Variants in MTDH observed in about 807,000 individuals in gnomAD.
MTDH encodes protein LYRIC.
A neutral mutation model predicts 72.7 loss-of-function variants in MTDH; 34 were observed. That is an observed-to-expected ratio of 0.47 (90% CI 0.36 to 0.62). The LOEUF (loss-of-function observed/expected upper bound fraction) is 0.62. Ranked by LOEUF, MTDH falls within the 20% of genes least tolerant of loss-of-function variation. The pLI, the probability that MTDH is intolerant of heterozygous loss-of-function variation, is 0.00. For missense variants in MTDH, 677 were observed against 699.4 expected (o/e 0.97, Z 0.36); for synonymous variants, 266 against 268.9 (o/e 0.99, Z 0.10).
At chr8:97,710,890 C>T (rs1169674393) in intron 8 of MTDH, among the ~76,000 whole-genome samples, 2 of 151,868 alleles carry the variant, frequency 1.3e-5, no homozygotes, top group African/African-American at 4.8e-5. Context: ...ATCCTAGCTA[C>T]TTGGGAGACT....
chr8:97,705,226 G>A (rs1243450948), intron 7 of MTDH, among the ~76,000 whole-genome samples: 2 of 151,528 alleles, frequency 1.3e-5, no homozygotes, highest in Non-Finnish European at 2.9e-5. Context: ...GAACCCGGGA[G>A]GCGGAGGTTG....
rs1327941093 is a variant in MTDH at position 97,729,937 on chromosome 8, TATA to T, written c.*5271_*5273del. Among the ~76,000 whole-genome samples the T allele has an allele frequency of 1.3e-5, 2 of 152,196 alleles. No homozygotes were observed. Among genetic ancestry groups the T allele is most frequent in the Admixed American group, 1.3e-4 (2 of 15,272 alleles). On this transcript the variant is annotated 3_prime_UTR_variant, in exon 12 of 12. Coordinates refer to ENST00000336273, the MANE Select transcript of MTDH (RefSeq NM_178812.4). ...AAGTTGAAAGAGAATCACCCTGGTA[TATA>T]ATATTTTAAAACATGAAAAAGGCAT... is the stretch of plus-strand genomic sequence containing the variant.
At chr8:97,707,569 G>A (rs1338147920) in intron 8 of MTDH, among the ~76,000 whole-genome samples, 1 of 148,120 alleles carries the variant, frequency 6.8e-6, no homozygotes, top group Admixed American at 6.9e-5. Context: ...TGTCTGGCCT[G>A]CACAGTCTTT....
chr8:97,669,565 A>G (rs1379420534), intron 2 of MTDH, among the ~76,000 whole-genome samples: 1 of 149,552 alleles, frequency 6.7e-6, no homozygotes, highest in African/African-American at 2.5e-5. Flanking sequence ...TGCAACTACT[A>G]ATTTCTGCTA....
chr8:97,649,651 T>C (rs1811687272), intron 1 of MTDH, among the ~76,000 whole-genome samples: 1 of 152,226 alleles, frequency 6.6e-6, no homozygotes, highest in Non-Finnish European at 1.5e-5. Context: ...TGTCCCAGGC[T>C]GGAGTGCAGT....
chr8:97,723,337 G>C lies in MTDH; in HGVS notation c.1678+302G>C, dbSNP rs560120658. Among the ~76,000 whole-genome samples, 11 of 151,714 alleles carry C rather than the reference G, an allele frequency of 7.3e-5. No homozygotes were observed. The South Asian group carries it at 2.3e-3, about 32-fold the overall frequency. On this transcript the variant is annotated intron_variant, in intron 11 of 11. Transcript: ENST00000336273. The stretch of plus-strand genomic sequence containing the variant: ...GGCGTGAACCCGGGAGGCAGAGCTT[G>C]CAGTGAGCCAAAATCGTGCCACTGC...
At position 97,663,748 on chromosome 8, in the gene MTDH, C is replaced by CAA. The variant is rs36101443; in HGVS notation, c.483+2594_483+2595dup. 1.6e-3 allele frequency among the ~76,000 whole-genome samples: 140 copies of CAA among 85,826 alleles called. 3 individuals are homozygous for CAA. Among genetic ancestry groups the CAA allele is most frequent in the African/African-American group, 4.2e-3 (100 of 24,048 alleles). The allele number at this position is 85,826 out of a possible 152,430, so 56.3% of individuals were successfully genotyped here. A position where few individuals can be genotyped will look rare whatever the true frequency, so the allele number is the denominator to read the frequency against. ...TGGGCGACAGAGCAAGACTCTGTCT[C>CAA]AAAAAAAAAAAAAAAAAAAAGACTT... On this transcript the variant is annotated intron_variant, in intron 2 of 11. Coordinates refer to ENST00000336273, the MANE Select transcript of MTDH (RefSeq NM_178812.4).
chr8:97,691,293 T>C, intron 6 of MTDH, 105 bp downstream of exon 6: 1 of 764,920 alleles, frequency 1.3e-6, no homozygotes, highest in Non-Finnish European at 2.0e-6. Flanking sequence ...AAATAAGTAC[T>C]GCTCTGCAGA....
At chr8:97,689,803 G>A (rs921341976) in intron 5 of MTDH, among the ~76,000 whole-genome samples, 3 of 151,076 alleles carry the variant, frequency 2.0e-5, no homozygotes, top group Admixed American at 2.0e-4. Flanking sequence ...CACCTCCCGG[G>A]TGCAAGCAAT....
chr8:97,720,999 TGAA>T (rs1160266033), intron 10 of MTDH, among the ~76,000 whole-genome samples: 10 of 152,064 alleles, frequency 6.6e-5, no homozygotes, highest in African/African-American at 1.9e-4. Flanking sequence ...AGCCATCTTA[TGAA>T]GAAGATTTGA....
At chr8:97,721,757 CAGTT>C (rs1192727508) in intron 10 of MTDH, among the ~76,000 whole-genome samples, 4 of 152,200 alleles carry the variant, frequency 2.6e-5, no homozygotes, top group Non-Finnish European at 5.9e-5. Flanking sequence ...TGAGGCAAAT[CAGTT>C]AGTTTACCTC....
intron 2 of MTDH, among the ~76,000 whole-genome samples, chr8:97,668,286 C>CA (rs1377910057): frequency 7.0e-4 from 104 of 148,360 alleles, no homozygotes; most frequent in African/African-American, 2.4e-3. Context: ...GACTGCATCT[C>CA]AAAAAAAAAG....
chr8:97,712,588 C>T (rs1468673968), intron 8 of MTDH, among the ~76,000 whole-genome samples: 1 of 152,150 alleles, frequency 6.6e-6, no homozygotes, highest in Non-Finnish European at 1.5e-5. Flanking sequence ...GCTTTCATTT[C>T]TCTAGGATAA....
intron 1 of MTDH, among the ~76,000 whole-genome samples, chr8:97,646,645 A>C (rs1475078269): frequency 6.6e-6 from 1 of 152,228 alleles, no homozygotes; most frequent in African/African-American, 2.4e-5. Context: ...GACTCATCTG[A>C]AAGAATACAG....
Position 97,707,799 on chromosome 8 carries a change from G to C in MTDH, c.1272+1049G>C, listed in dbSNP as rs1037416766. ...CAGTGGCATACACCTGGTAGTCCCA[G>C]CTATTCAGGGGGCTGAGGCAGGAGG... On this transcript the variant is annotated intron_variant, in intron 8 of 11. Transcript: ENST00000336273. Among the ~76,000 whole-genome samples, 8 of 151,784 alleles carry C rather than the reference G, an allele frequency of 5.3e-5. No homozygotes were observed. In the East Asian group the frequency reaches 1.4e-3, roughly 26 times the overall value.
chr8:97,699,363 C>T (rs551244110), intron 6 of MTDH, among the ~76,000 whole-genome samples: 23 of 151,258 alleles, frequency 1.5e-4, no homozygotes, highest in African/African-American at 4.6e-4. Context: ...CTTGAGCCTG[C>T]GAGGTTGAGG....
intron 2 of MTDH, among the ~76,000 whole-genome samples, chr8:97,672,326 C>A (rs533281540): frequency 3.3e-5 from 5 of 152,096 alleles, no homozygotes; most frequent in Non-Finnish European, 7.4e-5. Context: ...ATTAAATTCT[C>A]ATTGTAGTCC....
chr8:97,659,465 C>T (rs983501603), intron 1 of MTDH, among the ~76,000 whole-genome samples: 2 of 152,196 alleles, frequency 1.3e-5, no homozygotes, highest in Non-Finnish European at 2.9e-5. Flanking sequence ...ATTTAACCAG[C>T]TAAAAGACAG....
chr8:97,721,174 G>C (rs759956286), intron 10 of MTDH, among the ~76,000 whole-genome samples: 1 of 152,128 alleles, frequency 6.6e-6, no homozygotes, highest in Non-Finnish European at 1.5e-5. Context: ...AGCCATGGTG[G>C]CTCACGCCTG....
Sources: allele counts gnomAD v4.1 joint callset (sites outside exome capture counted in the v4.1 genomes callset), GRCh38; gene constraint gnomAD v4.1.1; transcripts MANE v1.5; gene names NCBI Gene and HGNC (gene_info 2026-07-23, HGNC 2026-07-21).